The following DAD1 variants were observed in gnomAD, a reference collection of about 807,000 sequenced individuals.
The protein encoded by DAD1 is dolichyl-diphosphooligosaccharide--protein glycosyltransferase subunit DAD1.
In DAD1, 4 loss-of-function variants were observed where a neutral mutation model predicts 9.0. The observed-to-expected ratio is 0.44, with a 90% CI of 0.22 to 1.01. The LOEUF is 1.01. Among genes scored for constraint, DAD1 ranks in the 50% least tolerant of loss-of-function variants. DAD1 has a pLI of 0.24. For missense variants in DAD1, 119 were observed against 137.3 expected (o/e 0.87, Z 0.67); for synonymous variants, 60 against 62.5 (o/e 0.96, Z 0.19).
intron 2 of DAD1, among the ~76,000 whole-genome samples, chr14:22,566,007 A>G (rs2037000107): frequency 6.6e-6 from 1 of 152,236 alleles, no homozygotes; most frequent in Non-Finnish European, 1.5e-5. Flanking sequence ...CCCAGGAGGA[A>G]AAAGGGCACT....
intron 2 of DAD1, among the ~76,000 whole-genome samples, chr14:22,568,855 G>A (rs893727978): frequency 1.5e-4 from 23 of 152,086 alleles, no homozygotes; most frequent in Admixed American, 9.8e-4. Flanking sequence ...ACGCCACCAC[G>A]CCCCTCTAAT....
intron 1 of DAD1, among the ~76,000 whole-genome samples, chr14:22,585,543 T>C (rs1418930493): frequency 2.0e-5 from 3 of 152,190 alleles, no homozygotes; most frequent in Non-Finnish European, 1.5e-5. Context: ...CTGAGGTCCT[T>C]TTAAAGCCAA....
At chr14:22,576,059 G>C (rs1207847317) in intron 1 of DAD1, among the ~76,000 whole-genome samples, 2 of 152,136 alleles carry the variant, frequency 1.3e-5, no homozygotes, top group African/African-American at 4.8e-5. Context: ...GCAGGAGACA[G>C]GGTCTGGTGG....
At chr14:22,572,643 T>A (rs1263057072) in intron 2 of DAD1, among the ~76,000 whole-genome samples, 1 of 152,184 alleles carries the variant, frequency 6.6e-6, no homozygotes, top group Non-Finnish European at 1.5e-5. Context: ...TTTGCTTTTG[T>A]CATAATTTTG....
rs1186260433 is a variant in DAD1 at position 22,581,588 on chromosome 14, A to AC, written c.212-6356_212-6355insG. On this transcript the variant is annotated intron_variant, in intron 1 of 2. Coordinates refer to ENST00000250498, the MANE Select transcript of DAD1 (RefSeq NM_001344.4). ...GAAACCCCGTCTCTACTAAAAATAC[A>AC]AAAAATTAGCCAGGCTTGGTGGTGC... Among the ~76,000 whole-genome samples, 6 of 136,390 alleles carry AC rather than the reference A, an allele frequency of 4.4e-5. No homozygotes were observed. In the Admixed American group the frequency reaches 4.4e-4, roughly 10 times the overall value. The allele number at this position is 136,390 out of a possible 152,430, so 89.5% of individuals were successfully genotyped here. A position where few individuals can be genotyped will look rare whatever the true frequency, so the allele number is the denominator to read the frequency against.
intron 1 of DAD1, among the ~76,000 whole-genome samples, chr14:22,584,562 C>CA (rs569648631): frequency 4.9e-5 from 7 of 142,646 alleles, no homozygotes; most frequent in South Asian, 2.2e-4. Context: ...AAAACAGTAA[C>CA]AAAAAAAAAA....
chr14:22,581,192 C>A (rs2037113179), intron 1 of DAD1, among the ~76,000 whole-genome samples: 1 of 152,210 alleles, frequency 6.6e-6, no homozygotes, highest in Non-Finnish European at 1.5e-5. Flanking sequence ...GGAACTTACA[C>A]TCCTATGGAG....
At chr14:22,581,789 A>C (rs1480994484) in intron 1 of DAD1, among the ~76,000 whole-genome samples, 1 of 151,254 alleles carries the variant, frequency 6.6e-6, no homozygotes, top group Non-Finnish European at 1.5e-5. Context: ...GACCAACAAG[A>C]CTATAGTGAT....
At chr14:22,575,377 T>G in intron 1 of DAD1, 144 bp from the exon 2 acceptor site, 1 of 891,950 alleles carries the variant, frequency 1.1e-6, no homozygotes, top group Non-Finnish European at 1.6e-6. Flanking sequence ...TACACAGAAA[T>G]GATACCCAGA....
intron 2 of DAD1, among the ~76,000 whole-genome samples, chr14:22,565,553 G>A (rs1361906248): frequency 3.9e-5 from 6 of 152,112 alleles, no homozygotes; most frequent in Non-Finnish European, 8.8e-5. Context: ...CCATTGGTGG[G>A]GAGGCAGGGT....
intron 1 of DAD1, among the ~76,000 whole-genome samples, 166 bp downstream of exon 1, chr14:22,588,781 T>C (rs2037171402): frequency 1.3e-5 from 2 of 152,176 alleles, no homozygotes; most frequent in South Asian, 4.1e-4. Flanking sequence ...GTATTAGGCA[T>C]ATAATCTAAG....
chr14:22,576,144 G>A (rs1293396753), intron 1 of DAD1, among the ~76,000 whole-genome samples: 2 of 152,142 alleles, frequency 1.3e-5, no homozygotes, highest in African/African-American at 4.8e-5. Context: ...CACAGGCACG[G>A]GTGAACACAT....
At chr14:22,571,960 C>T (rs2037044366) in intron 2 of DAD1, among the ~76,000 whole-genome samples, 1 of 152,156 alleles carries the variant, frequency 6.6e-6, no homozygotes, top group African/African-American at 2.4e-5. Flanking sequence ...ACTTCAGTTC[C>T]TCATCTGTAA....
chr14:22,588,455 AAAG>A (rs1160989034), intron 1 of DAD1, among the ~76,000 whole-genome samples: 1 of 152,252 alleles, frequency 6.6e-6, no homozygotes, highest in Non-Finnish European at 1.5e-5. Context: ...AACAAGAAAA[AAAG>A]TAGTAGCAGC....
chr14:22,574,750 C>T (rs1015307559), intron 2 of DAD1, among the ~76,000 whole-genome samples: 1 of 151,884 alleles, frequency 6.6e-6, no homozygotes, highest in Non-Finnish European at 1.5e-5. Context: ...CAAAACCTAC[C>T]ATTTATGTCT....
intron 2 of DAD1, among the ~76,000 whole-genome samples, chr14:22,570,218 C>T (rs5742833): frequency 2.6e-4 from 39 of 152,004 alleles, no homozygotes; most frequent in African/African-American, 8.7e-4. Context: ...GAATAAAAGA[C>T]GTAGAACAAA....
intron 2 of DAD1, among the ~76,000 whole-genome samples, chr14:22,570,515 ACTC>A (rs999202130): frequency 1.5e-4 from 22 of 151,496 alleles, no homozygotes; most frequent in East Asian, 3.9e-4. Context: ...CCCAAACTCA[ACTC>A]CTCATGTTTT....
intron 1 of DAD1, among the ~76,000 whole-genome samples, chr14:22,585,270 G>A (rs2037144333): frequency 6.6e-6 from 1 of 151,878 alleles, no homozygotes; most frequent in African/African-American, 2.4e-5. Flanking sequence ...ACAGATGAAA[G>A]TTGGGAAATG....
Position 22,565,939 on chromosome 14 carries a change from C to T in DAD1, c.*45-802G>A, listed in dbSNP as rs538057177. 3.9e-5 allele frequency among the ~76,000 whole-genome samples: 6 copies of T among 152,320 alleles called. No individual in the cohort carries two copies. The South Asian group carries it at 6.2e-4, about 16-fold the overall frequency. ...GCCATAAAAATACTGCAATCTCCTA[C>T]GTGTACCATGACTCAAAAGAGGCTG... On this transcript the variant is annotated intron_variant, in intron 2 of 2. Transcript: ENST00000250498.
Sources: allele counts gnomAD v4.1 joint callset (sites outside exome capture counted in the v4.1 genomes callset), GRCh38; gene constraint gnomAD v4.1.1; transcripts MANE v1.5; gene names NCBI Gene and HGNC (gene_info 2026-07-23, HGNC 2026-07-21).